ABCC6: variants seen among roughly 807,000 people sequenced by gnomAD.
ABCC6 encodes ATP binding cassette subfamily C member 6, also known as ATP-binding cassette sub-family C member 6.
Under a neutral mutation model 169.5 loss-of-function variants are expected in ABCC6, and 126 were observed. The observed-to-expected ratio is 0.74, with a 90% CI of 0.64 to 0.86. The LOEUF is 0.86. Ranked by LOEUF, ABCC6 falls within the 40% of genes least tolerant of loss-of-function variation. The pLI is 0.00. For synonymous variants in ABCC6, 752 were observed against 814.7 expected, an observed-to-expected ratio of 0.92 and a Z score of 1.31; for missense variants, 1,733 against 1,927.2, an observed-to-expected ratio of 0.90 and a Z score of 1.89.
intron 1 of ABCC6, 77 bp from the exon 2 acceptor site, chr16:16,221,908 A>G (rs2049088947): frequency 2.5e-6 from 4 of 1,610,612 alleles, no homozygotes; most frequent in South Asian, 1.1e-5. Context: ...GGGCCAGGCA[A>G]CTTTTTGGAT....
chr16:16,154,814 G>A lies in ABCC6; in HGVS notation c.4042-20C>T. On this transcript the variant is annotated intron_variant, in intron 28 of 30. Transcript: ENST00000205557. The stretch of plus-strand genomic sequence containing the variant: ...GGGGTCCTGGCGGGGAGGGGCGGTG[G>A]GTCAGAGCCGGGTCCCACCATGCCT... 1.2e-6 allele frequency: 2 copies of A among 1,608,340 alleles called. No homozygotes were observed. Among genetic ancestry groups the A allele is most frequent in the African/African-American group, 2.7e-5 (2 of 74,918 alleles).
chr16:16,159,514 G>T lies in ABCC6; in HGVS notation c.3703C>A (p.Arg1235=). The change falls in exon 26 of 31, where the codon CGG becomes AGG. Residue 1235 remains arginine, a synonymous_variant. Coordinates refer to ENST00000205557, the MANE Select transcript of ABCC6 (RefSeq NM_001171.6). ...DLENSIVSVE[R]MQDYAWTPKE... ...GGCGTCCAGGCATAGTCCTGCATCC[G>T]CTCCACTGACACGATGCTGTTCTCT... 2 of 1,613,830 alleles carry T rather than the reference G, an allele frequency of 1.2e-6. No homozygotes were observed. The highest frequency in any genetic ancestry group is 1.7e-6 in the Non-Finnish European group (2 of 1,179,968).
intron 22 of ABCC6, among the ~76,000 whole-genome samples, chr16:16,166,142 C>T (rs919037004): frequency 4.6e-5 from 7 of 152,162 alleles, no homozygotes; most frequent in Non-Finnish European, 8.8e-5. Context: ...CCTTGACCTC[C>T]TGCACTCAAG....
chr16:16,169,973 A>G (rs2047005845), intron 21 of ABCC6, 120 bp from the exon 22 acceptor site: 1 of 1,034,628 alleles, frequency 9.7e-7, no homozygotes, highest in African/African-American at 1.6e-5. Context: ...CACCACGCAG[A>G]CCTCACTGGT....
intron 25 of ABCC6, among the ~76,000 whole-genome samples, chr16:16,160,079 A>G (rs1483493047): frequency 6.6e-6 from 1 of 151,990 alleles, no homozygotes; most frequent in Non-Finnish European, 1.5e-5. Flanking sequence ...CACCCTCTCC[A>G]GCCACACCCG....
chr16:16,174,762 C>CCCCCCCCCCCCCCG (rs1189239969), intron 20 of ABCC6, among the ~76,000 whole-genome samples: 1 of 91,948 alleles, frequency 1.1e-5, no homozygotes, highest in Non-Finnish European at 2.6e-5. Flanking sequence ...GTCTCAAAAC[C>CCCCCCCCCCCCCCG]CCCCCCCGCA....
At chr16:16,215,965 G>C (rs956123026) in intron 4 of ABCC6, among the ~76,000 whole-genome samples, 13 of 151,954 alleles carry the variant, frequency 8.6e-5, no homozygotes, top group African/African-American at 3.1e-4. Context: ...TGTTGCCCAG[G>C]CTGGAGTGCA....
intron 1 of ABCC6, among the ~76,000 whole-genome samples, chr16:16,222,319 T>C (rs1348348610): frequency 2.0e-5 from 3 of 152,206 alleles, no homozygotes; most frequent in African/African-American, 7.2e-5. Context: ...CCCAGGCTTA[T>C]CTGACCCCAA....
intron 9 of ABCC6, among the ~76,000 whole-genome samples, chr16:16,200,146 C>T (rs985902769): frequency 6.6e-6 from 1 of 150,810 alleles, no homozygotes; most frequent in African/African-American, 2.4e-5. Context: ...AAAAAAGTAG[C>T]CCAGGCTGAG....
chr16:16,186,386 C>T (rs2047654336), intron 14 of ABCC6, among the ~76,000 whole-genome samples: 2 of 152,020 alleles, frequency 1.3e-5, no homozygotes, highest in African/African-American at 4.8e-5. Flanking sequence ...AGACTGGTAC[C>T]AGTCTGCAGC....
intron 15 of ABCC6, among the ~76,000 whole-genome samples, chr16:16,183,162 TCATACAAG>T (rs2047537418): frequency 6.6e-6 from 1 of 152,050 alleles, no homozygotes; most frequent in South Asian, 2.1e-4. Flanking sequence ...ATTTGCACAC[TCATACAAG>T]CATGCTAGCA....
In ABCC6 at chr16:16,161,443, G is replaced by C. The variant is rs762213485; in HGVS notation, c.3628C>G (p.Leu1210Val). Residue 1210 changes from leucine to valine, a missense_variant, in exon 25 of 31, where the codon CTC (leucine) becomes GTC (valine). Coordinates refer to ENST00000205557, the MANE Select transcript of ABCC6 (RefSeq NM_001171.6). ...GLVGFSVSAALQVTQTLQWVV... is the reference protein window; with the variant it reads ...GLVGFSVSAAVQVTQTLQWVV... Reference sequence around the variant, plus strand: ...TTTGGGGATGTGGGGAGTACCTGGAGGGCAGCAGAGACAGAGAAGCCCACG... The same window carrying C: ...TTTGGGGATGTGGGGAGTACCTGGACGGCAGCAGAGACAGAGAAGCCCACG... 10 of 1,613,834 alleles carry C rather than the reference G, an allele frequency of 6.2e-6. No homozygotes were observed. Among genetic ancestry groups the C allele is most frequent in the Non-Finnish European group, 8.5e-6 (10 of 1,179,996 alleles).
chr16:16,190,685 C>CTTT (rs1354931045), intron 11 of ABCC6, among the ~76,000 whole-genome samples: 1 of 142,362 alleles, frequency 7.0e-6, no homozygotes, highest in Non-Finnish European at 1.5e-5. Context: ...TGAGCTACGT[C>CTTT]TTTTTTTTTT....
At chr16:16,161,667 G>T (rs2046724115) in intron 24 of ABCC6, 103 bp from the exon 25 acceptor site, 2 of 1,519,040 alleles carry the variant, frequency 1.3e-6, no homozygotes, top group African/African-American at 1.4e-5. Flanking sequence ...GTACACACAG[G>T]GGTCCCAGCA....
In ABCC6 at chr16:16,149,983, G is replaced by A; in HGVS notation, c.*150C>T. 1.6e-6 allele frequency: 2 copies of A among 1,225,532 alleles called. No homozygotes were observed. The highest frequency in any genetic ancestry group is 2.3e-6 in the Non-Finnish European group (2 of 856,914). The allele number at this position is 1,225,532 out of a possible 1,614,324, so 75.9% of individuals were successfully genotyped here. ...CGGCTCTGATGCTCTGTGATAATTG[G>A]CCACTTTCTCTGCCATTTTCCTCCC... On this transcript the variant is annotated 3_prime_UTR_variant, in exon 31 of 31. Coordinates refer to ENST00000205557, the MANE Select transcript of ABCC6 (RefSeq NM_001171.6).
Position 16,203,396 on chromosome 16 carries a change from G to A in ABCC6, c.998+14C>T. 1 of 1,613,900 alleles carries A rather than the reference G, an allele frequency of 6.2e-7. No homozygotes were observed. The highest frequency in any genetic ancestry group is 8.5e-7 in the Non-Finnish European group (1 of 1,179,854). ...CCACCCACCTTAGCAGGGCACTTGA[G>A]GTCTGGGACTCACCTGAGCAGCTTG... On this transcript the variant is annotated intron_variant, in intron 8 of 30. Coordinates refer to ENST00000205557, the MANE Select transcript of ABCC6 (RefSeq NM_001171.6).
In ABCC6 at chr16:16,200,276, A is replaced by G. The variant is rs1459494460; in HGVS notation, c.1176+1725T>C. On this transcript the variant is annotated intron_variant, in intron 9 of 30. Transcript: ENST00000205557. ...GTAAAACCCTGTCTACTAAAAATAC[A>G]AAATTAGCCGGGCATGGTGGCGCAC... is the stretch of plus-strand genomic sequence containing the variant. Among the ~76,000 whole-genome samples, 85 of 151,784 alleles carry G rather than the reference A, an allele frequency of 5.6e-4. No individual in the cohort carries two copies. The South Asian group carries it at 0.017, about 30-fold the overall frequency.
At position 16,178,889 on chromosome 16, in the gene ABCC6, A is replaced by C; in HGVS notation, c.2324T>G (p.Leu775Arg). The C allele has an allele frequency of 1.2e-6, 2 of 1,613,898 alleles. No individual in the cohort carries two copies. The highest frequency in any genetic ancestry group is 1.7e-6 in the Non-Finnish European group (2 of 1,180,034). Residue 775 changes from leucine (L) to arginine (R), a missense_variant, in exon 18 of 31, where the codon CTG (leucine) becomes CGG (arginine). Leu to Arg is a moderately radical substitution (Grantham distance 102, BLOSUM62 -2). Transcript: ENST00000205557. The part of the protein sequence containing the change: ...RAVYRKAAVY[L>R]LDDPLAALDA... ...CAGGGCCGCCAGGGGGTCATCCAGC[A>C]GGTACACAGCTGCCTTTCTGTATAC...
intron 20 of ABCC6, among the ~76,000 whole-genome samples, chr16:16,174,031 A>G (rs1289394186): frequency 1.3e-5 from 2 of 152,176 alleles, no homozygotes; most frequent in African/African-American, 2.4e-5. Context: ...AAATAGGAAT[A>G]TTATCTATCT....
Sources: gnomAD v4.1 joint callset for allele counts (sites outside exome capture counted in the v4.1 genomes callset) on GRCh38, gnomAD v4.1.1 for gene constraint, MANE v1.5 for transcripts, NCBI Gene and HGNC (gene_info 2026-07-23, HGNC 2026-07-21) for gene names.